DFFA: variants seen among roughly 807,000 people sequenced by gnomAD.
DFFA encodes the protein DFF45.
A neutral mutation model predicts 28.0 loss-of-function variants in DFFA; 14 were observed. That is an observed-to-expected ratio of 0.50 (90% CI 0.33 to 0.78). The LOEUF (loss-of-function observed/expected upper bound fraction) is 0.78, where lower values mean the gene tolerates loss of function less well. DFFA is among the 30% of genes least tolerant of loss of function. DFFA has a pLI of 0.02. For missense variants in DFFA, 395 were observed against 407.1 expected, an observed-to-expected ratio of 0.97 and a Z score of 0.26; for synonymous variants, 158 against 170.3, an observed-to-expected ratio of 0.93 and a Z score of 0.56.
intron 5 of DFFA, chr1:10,462,021 A>G (rs1454527402): frequency 4.9e-6 from 1 of 205,770 alleles, no homozygotes; most frequent in Non-Finnish European, 8.5e-6. Flanking sequence ...CGCCTGGCTA[A>G]TTTTTTTGTA....
At chr1:10,463,291 G>GC in intron 4 of DFFA, 82 bp from the exon 5 acceptor site, 2 of 1,571,766 alleles carry the variant, frequency 1.3e-6, no homozygotes, top group Non-Finnish European at 1.7e-6. Context: ...AACTGGCCGG[G>GC]CAAGAGAGAA....
intron 2 of DFFA, among the ~76,000 whole-genome samples, chr1:10,467,925 T>C (rs2124346499): frequency 6.6e-6 from 1 of 152,262 alleles, no homozygotes; most frequent in South Asian, 2.1e-4. Context: ...CCCTTTCTGG[T>C]TTCTGTGTGT....
At chr1:10,461,849 A>T in intron 5 of DFFA, 147 bp from the exon 6 acceptor site, 5 of 1,451,290 alleles carry the variant, frequency 3.4e-6, no homozygotes, top group Non-Finnish European at 4.5e-6. Context: ...TTTACCATTA[A>T]TTGCCACGGG....
At chr1:10,471,807 T>C (rs1641102108) in intron 1 of DFFA, among the ~76,000 whole-genome samples, 1 of 152,192 alleles carries the variant, frequency 6.6e-6, no homozygotes, top group South Asian at 2.1e-4. Context: ...GCCAAGCAGC[T>C]GGTAAAGGTA....
rs537485918 is a variant in DFFA at position 10,459,747 on chromosome 1, A to G, written c.*1743T>C. ...ACCTTTTTAAAAAAAAAAAAAAAAA[A>G]GTAGGGTCTTACTCTATCATCCAGG... On this transcript the variant is annotated 3_prime_UTR_variant, in exon 6 of 6. Transcript: ENST00000377038. 210 of 150,908 alleles carry G rather than the reference A, an allele frequency of 1.4e-3. No individual in the cohort carries two copies. The highest frequency in any genetic ancestry group is 4.9e-3 in the African/African-American group (200 of 41,042). 9.3% of individuals were successfully genotyped at this position (150,908 alleles called of 1,614,324 possible).
At position 10,467,214 on chromosome 1, in the gene DFFA, G is replaced by T. The variant is rs1026979935; in HGVS notation, c.417C>A (p.Ile139=). ...CCTGGAGGTCCTCCTCTGATAGGAGGATGATGCTGGACAGATCTTCTTTCA... is the reference window on the plus strand; with the variant it reads ...CCTGGAGGTCCTCCTCTGATAGGAGTATGATGCTGGACAGATCTTCTTTCA... ...RQLKEDLSSI[I]LLSEEDLQML... The change falls in exon 3 of 6, where the codon ATC becomes ATA. Residue 139 remains isoleucine (I), a synonymous_variant. Coordinates refer to ENST00000377038, the MANE Select transcript of DFFA (RefSeq NM_004401.3). 6.2e-6 allele frequency: 10 copies of T among 1,614,136 alleles called. No individual in the cohort carries two copies. The East Asian group carries it at 2.2e-4, about 36-fold the overall frequency.
intron 5 of DFFA, 60 bp downstream of exon 5, chr1:10,462,998 T>C (rs750637697): frequency 2.7e-5 from 43 of 1,607,630 alleles, no homozygotes; most frequent in Non-Finnish European, 3.4e-5. Context: ...CTCTGCATGA[T>C]ACTACTACAT....
Position 10,460,298 on chromosome 1 carries a change from T to G in DFFA, c.*1192A>C, listed in dbSNP as rs1240565416. The G allele has an allele frequency of 6.6e-6, 1 of 151,622 alleles. No individual in the cohort carries two copies. The highest frequency in any genetic ancestry group is 2.4e-5 in the African/African-American group (1 of 41,252). 9.4% of individuals were successfully genotyped at this position (151,622 alleles called of 1,614,324 possible). Reference sequence around the variant, plus strand: ...TCTTGAGATACGGAGTCTAGCTCTGTCACCCAGGCTGGAGTGCAGTGGTGC... The same window carrying G: ...TCTTGAGATACGGAGTCTAGCTCTGGCACCCAGGCTGGAGTGCAGTGGTGC... On this transcript the variant is annotated 3_prime_UTR_variant, in exon 6 of 6. Coordinates refer to ENST00000377038, the MANE Select transcript of DFFA (RefSeq NM_004401.3).
chr1:10,469,646 G>A (rs750302844), intron 1 of DFFA, among the ~76,000 whole-genome samples: 22 of 151,950 alleles, frequency 1.4e-4, no homozygotes, highest in African/African-American at 5.1e-4. Context: ...TCAGCCTCCC[G>A]AGTAGTTGGG....
rs201448489 is a variant in DFFA at position 10,472,371 on chromosome 1, C to T, written c.88G>A (p.Glu30Lys). Reference protein sequence around the residue: ...PCLLRRNYSREQHGVAASCLE... With the variant: ...PCLLRRNYSRKQHGVAASCLE... The stretch of plus-strand genomic sequence containing the variant: ...CAGGAGGCGGCCACGCCGTGCTGTT[C>T]GCGGCTGTAGTTGCGGCGCAGCAGA... Residue 30 changes from glutamate to lysine, a missense_variant, in exon 1 of 6, where the codon GAA (glutamate) becomes AAA (lysine). By Grantham distance (56) the Glu-to-Lys change is moderately conservative (BLOSUM62 1). Transcript: ENST00000377038. The surrounding 1 kb of genome is among the most constrained non-coding windows in gnomAD (Gnocchi z 5.0). The T allele has an allele frequency of 2.5e-6, 4 of 1,611,840 alleles. No individual in the cohort carries two copies. The highest frequency in any genetic ancestry group is 3.4e-6 in the Non-Finnish European group (4 of 1,178,886).
intron 2 of DFFA, among the ~76,000 whole-genome samples, chr1:10,467,974 G>A (rs559288461): frequency 1.3e-5 from 2 of 152,110 alleles, no homozygotes; most frequent in African/African-American, 4.8e-5. Flanking sequence ...ACGGTCATTT[G>A]TGCCAGCATT....
In DFFA at chr1:10,469,163, C is replaced by T. The variant is rs191717615; in HGVS notation, c.298+14G>A. ...ACTGCATAGGCCGTTTTATACATGG[C>T]TAGAGTTTCTTACCTGAATTGTTGT... On this transcript the variant is annotated intron_variant, in intron 2 of 5. Transcript: ENST00000377038. 61 of 1,613,584 alleles carry T rather than the reference C, an allele frequency of 3.8e-5. No individual in the cohort carries two copies. Among genetic ancestry groups the T allele is most frequent in the Admixed American group, 2.8e-4 (17 of 60,000 alleles).
intron 1 of DFFA, 74 bp from the exon 2 acceptor site, chr1:10,469,412 T>A: frequency 7.1e-7 from 1 of 1,399,350 alleles, no homozygotes; most frequent in South Asian, 1.3e-5. Context: ...ATCTCAAGTA[T>A]GTATGGCTCC....
In DFFA at chr1:10,457,846, C is replaced by G. The variant is rs554678649; in HGVS notation, c.*3644G>C. 1.3e-5 allele frequency: 2 copies of G among 151,642 alleles called. No homozygotes were observed. The highest frequency in any genetic ancestry group is 6.6e-5 in the Admixed American group (1 of 15,116). The allele number at this position is 151,642 out of a possible 1,614,324, so 9.4% of individuals were successfully genotyped here. ...CCGCTTGGTGGGCTTGCTTCAAGTA[C>G]AGAATATTAACACTAACGCCCAGAC... On this transcript the variant is annotated 3_prime_UTR_variant, in exon 6 of 6. Coordinates refer to ENST00000377038, the MANE Select transcript of DFFA (RefSeq NM_004401.3).
At chr1:10,462,893 G>C (rs1438888778) in intron 5 of DFFA, 165 bp downstream of exon 5, 1 of 1,432,676 alleles carries the variant, frequency 7.0e-7, no homozygotes, top group Non-Finnish European at 9.2e-7. Flanking sequence ...TTTTGATTTA[G>C]ATTAATGAGA....
At chr1:10,461,796 T>A (rs2124338090) in intron 5 of DFFA, 94 bp from the exon 6 acceptor site, 1 of 1,543,314 alleles carries the variant, frequency 6.5e-7, no homozygotes, top group East Asian at 2.3e-5. Context: ...AATGAGGCAG[T>A]ATCCGTTTAT....
intron 4 of DFFA, 88 bp downstream of exon 4, chr1:10,463,343 C>T: frequency 6.5e-7 from 1 of 1,548,868 alleles, no homozygotes. Context: ...CTTCAGTGGC[C>T]CTGGCTACAT....
At chr1:10,467,603 C>T (rs1453327949) in intron 2 of DFFA, among the ~76,000 whole-genome samples, 3 of 151,958 alleles carry the variant, frequency 2.0e-5, no homozygotes, top group African/African-American at 4.8e-5. Context: ...CTCCACTGCC[C>T]GAGTTCAAGC....
Position 10,458,709 on chromosome 1 carries a change from T to G in DFFA, c.*2781A>C, listed in dbSNP as rs1268653968. On this transcript the variant is annotated 3_prime_UTR_variant, in exon 6 of 6. Coordinates refer to ENST00000377038, the MANE Select transcript of DFFA (RefSeq NM_004401.3). ...GCCCACCATCACGCCTGGCTAATTTTTGTATTTTTAGTAGACTGGGTTTTG... is the reference window on the plus strand; with the variant it reads ...GCCCACCATCACGCCTGGCTAATTTGTGTATTTTTAGTAGACTGGGTTTTG... 6.6e-6 allele frequency: 1 copy of G among 151,974 alleles called. No homozygotes were observed. Among genetic ancestry groups the G allele is most frequent in the Non-Finnish European group, 1.5e-5 (1 of 68,030 alleles). The allele number at this position is 151,974 out of a possible 1,614,324, so 9.4% of individuals were successfully genotyped here.
Sources: gnomAD v4.1 joint callset for allele counts (sites outside exome capture counted in the v4.1 genomes callset) on GRCh38, gnomAD v4.1.1 for gene constraint, Gnocchi (gnomAD v3.1) non-coding constraint, MANE v1.5 for transcripts, NCBI Gene and HGNC (gene_info 2026-07-23, HGNC 2026-07-21) for gene names.